PLXNA4: variants seen among roughly 807,000 people sequenced by gnomAD.
The protein encoded by PLXNA4 is plexin A4, also known as plexin-A4.
In PLXNA4, 44 loss-of-function variants were observed where a neutral mutation model predicts 191.8. That is an observed-to-expected ratio of 0.23 (90% confidence interval 0.18 to 0.29). The LOEUF (loss-of-function observed/expected upper bound fraction) is 0.29. Among genes scored for constraint, PLXNA4 ranks in the 10% least tolerant of loss-of-function variants. The pLI is 1.00. For synonymous variants in PLXNA4, 1,082 were observed against 1,009.5 expected, an observed-to-expected ratio of 1.07 and a Z score of -1.36; for missense variants, 1,800 against 2,488.8, an observed-to-expected ratio of 0.72 and a Z score of 5.89.
intron 4 of PLXNA4, among the ~76,000 whole-genome samples, chr7:132,274,722 G>A (rs1440885261): frequency 6.7e-6 from 1 of 150,312 alleles, no homozygotes; most frequent in Non-Finnish European, 1.5e-5. Context: ...TATATTTTTG[G>A]CACGAATACC....
intron 1 of PLXNA4, among the ~76,000 whole-genome samples, chr7:132,569,690 G>A (rs1307160047): frequency 6.6e-6 from 1 of 152,190 alleles, no homozygotes; most frequent in Non-Finnish European, 1.5e-5. Flanking sequence ...CCACAACAGT[G>A]GTTTTTAAGC....
chr7:132,151,349 AAG>A (rs1795608416), intron 25 of PLXNA4, among the ~76,000 whole-genome samples: 2 of 67,192 alleles, frequency 3.0e-5, no homozygotes, highest in Non-Finnish European at 3.6e-5. Context: ...GAGGAGGAGG[AAG>A]AAGAAGGAGG....
chr7:132,562,011 T>TTC, intron 1 of PLXNA4, among the ~76,000 whole-genome samples: 1 of 103,682 alleles, frequency 9.6e-6, no homozygotes, highest in East Asian at 3.2e-4. Context: ...CTCCTCCTCC[T>TTC]ACTCCTCCTC....
chr7:132,575,758 C>T (rs1170703288), intron 1 of PLXNA4, among the ~76,000 whole-genome samples: 1 of 152,228 alleles, frequency 6.6e-6, no homozygotes, highest in Admixed American at 6.5e-5. Flanking sequence ...AATCTCGGCG[C>T]ATTCCCGGGG....
intron 1 of PLXNA4, among the ~76,000 whole-genome samples, chr7:132,561,993 T>C (rs1405720004): frequency 7.4e-6 from 1 of 135,468 alleles, no homozygotes; most frequent in Non-Finnish European, 1.6e-5. Context: ...CTCCTCTTCT[T>C]TCTCTGCCTC....
chr7:132,266,643 G>T (rs1436281272), intron 4 of PLXNA4, among the ~76,000 whole-genome samples: 2 of 152,226 alleles, frequency 1.3e-5, no homozygotes, highest in East Asian at 3.8e-4. Flanking sequence ...TGAAGTAGCA[G>T]GGAGTCACCT....
chr7:132,561,966 TTA>T, intron 1 of PLXNA4, among the ~76,000 whole-genome samples: 4 of 137,514 alleles, frequency 2.9e-5, no homozygotes, highest in Middle Eastern at 4.3e-3. Flanking sequence ...CTCCTCCTCC[TTA>T]TCCTCCTCCT....
chr7:132,246,701 A>T (rs1294862265), intron 4 of PLXNA4, among the ~76,000 whole-genome samples: 1 of 152,284 alleles, frequency 6.6e-6, no homozygotes, highest in East Asian at 1.9e-4. Context: ...TTCCTTAAAT[A>T]ATATAATGTA....
intron 3 of PLXNA4, among the ~76,000 whole-genome samples, chr7:132,414,743 A>G (rs1794597787): frequency 6.6e-6 from 1 of 152,162 alleles, no homozygotes; most frequent in Non-Finnish European, 1.5e-5. Context: ...AGAAGAACAG[A>G]GACACTGGCA....
intron 3 of PLXNA4, among the ~76,000 whole-genome samples, chr7:132,318,720 T>C (rs1802047167): frequency 6.8e-6 from 1 of 147,126 alleles, no homozygotes; most frequent in African/African-American, 2.5e-5. Flanking sequence ...ATCTGTCCCC[T>C]GAAGGGAGAA....
chr7:132,621,154 T>C (rs1803252859), intron 2 of PLXNA4, among the ~76,000 whole-genome samples: 1 of 151,994 alleles, frequency 6.6e-6, no homozygotes, highest in Non-Finnish European at 1.5e-5. Context: ...CACCATTCCA[T>C]GCTATTCTAT....
intron 3 of PLXNA4, among the ~76,000 whole-genome samples, chr7:132,364,694 T>G (rs931728114): frequency 1.3e-5 from 2 of 152,240 alleles, no homozygotes; most frequent in African/African-American, 4.8e-5. Flanking sequence ...TCCGTGGTCT[T>G]GCTCAGGGGA....
At position 132,132,512 on chromosome 7, in the gene PLXNA4, A is replaced by T. The variant is rs867029368; in HGVS notation, c.5589+537T>A. The stretch of plus-strand genomic sequence containing the variant: ...GCTCTATTCTTTTCTATTCTATTCT[A>T]TTCTATTCTATTCTATTCTATTCTA... On this transcript the variant is annotated intron_variant, in intron 31 of 31. Transcript: ENST00000321063. Among the ~76,000 whole-genome samples, 50 of 124,912 alleles carry T rather than the reference A, an allele frequency of 4.0e-4. 1 individual carries two copies. The highest frequency in any genetic ancestry group is 8.7e-4 in the Admixed American group (11 of 12,716). The allele number at this position is 124,912 out of a possible 152,430, so 81.9% of individuals were successfully genotyped here.
intron 31 of PLXNA4, among the ~76,000 whole-genome samples, 197 bp from the exon 32 acceptor site, chr7:132,130,771 A>T (rs1292539115): frequency 1.3e-5 from 2 of 152,194 alleles, no homozygotes; most frequent in African/African-American, 4.8e-5. Flanking sequence ...GCATGTGAGC[A>T]TCAGCATGGC....
intron 4 of PLXNA4, among the ~76,000 whole-genome samples, chr7:132,294,993 G>C (rs1169356093): frequency 1.3e-5 from 2 of 152,190 alleles, no homozygotes; most frequent in African/African-American, 4.8e-5. Flanking sequence ...TGTTGTTTAA[G>C]CTCCCCAGTC....
chr7:132,181,582 C>T lies in PLXNA4; in HGVS notation c.3291G>A (p.Gln1097=), dbSNP rs1264105172. The change falls in exon 18 of 32, where the codon CAG becomes CAA. Residue 1097 remains glutamine, a synonymous_variant. Transcript: ENST00000321063. The part of the protein sequence containing the change: ...EVLNATEMTC[Q]APALALGPDH... The stretch of plus-strand genomic sequence containing the variant: ...CAGGACCCAGAGCGAGGGCGGGCGC[C>T]TGACAGGTCATCTCAGTAGCGTTCA... The T allele has an allele frequency of 6.2e-7, 1 of 1,614,194 alleles. No individual in the cohort carries two copies. The highest frequency in any genetic ancestry group is 1.7e-5 in the Admixed American group (1 of 60,016).
intron 3 of PLXNA4, among the ~76,000 whole-genome samples, chr7:132,406,329 C>A (rs972046707): frequency 6.6e-6 from 1 of 152,204 alleles, no homozygotes; most frequent in African/African-American, 2.4e-5. Context: ...TCACGCACTT[C>A]AAGAACTTCT....
chr7:132,239,953 G>C (rs918920487), intron 5 of PLXNA4, among the ~76,000 whole-genome samples: 1 of 152,174 alleles, frequency 6.6e-6, no homozygotes, highest in Non-Finnish European at 1.5e-5. Flanking sequence ...GACTCACTAT[G>C]CCTGAGACTG....
intron 1 of PLXNA4, among the ~76,000 whole-genome samples, chr7:132,562,755 T>C (rs1801286457): frequency 8.1e-6 from 1 of 123,714 alleles, no homozygotes; most frequent in African/African-American, 3.4e-5. Context: ...CTCCTTCTCC[T>C]CCTCCTCCTT....
Sources: allele counts gnomAD v4.1 joint callset (sites outside exome capture counted in the v4.1 genomes callset), GRCh38; gene constraint gnomAD v4.1.1; transcripts MANE v1.5; gene names NCBI Gene and HGNC (gene_info 2026-07-23, HGNC 2026-07-21).